Variants in MAMDC4 observed in about 807,000 individuals in gnomAD.
MAMDC4 encodes the protein apical endosomal glycoprotein.
A neutral mutation model predicts 153.3 loss-of-function variants in MAMDC4; 168 were observed. That is an observed-to-expected ratio of 1.10 (90% CI 0.97 to 1.25). The LOEUF is 1.25. Ranked by LOEUF, MAMDC4 falls within the 50% of genes most tolerant of loss-of-function variation. The probability of loss-of-function intolerance (pLI) is 0.00; values close to 1 mark genes in which losing one functional copy is unlikely to be tolerated. For synonymous variants in MAMDC4, 744 were observed against 651.5 expected (o/e 1.14, Z -2.16); for missense variants, 1,701 against 1,542.8 (o/e 1.10, Z -1.72).
rs1444828057 is a variant in MAMDC4, at chr9:136,856,814, A to G, written c.1825A>G (p.Thr609Ala). 3 of 1,612,030 alleles carry G rather than the reference A, an allele frequency of 1.9e-6. No homozygotes were observed. The Admixed American group carries it at 5.0e-5, about 27-fold the overall frequency. Residue 609 changes from threonine (T) to alanine (A), a missense_variant, in exon 15 of 27, where the codon ACC (threonine) becomes GCC (alanine). Thr to Ala is a moderately conservative substitution (Grantham distance 58). Transcript: ENST00000317446. The stretch of plus-strand genomic sequence containing the variant: ...GAGCCGCGGCCCTGACCACGACCAC[A>G]CCACAGGCCAAGGTAGGATGGGCGC... ...VESRGPDHDH[T>A]TGQGHFVLLD... is the part of the protein sequence containing the mutation.
intron 4 of MAMDC4, 51 bp downstream of exon 4, chr9:136,853,721 G>T: frequency 1.2e-6 from 2 of 1,602,636 alleles, no homozygotes; most frequent in Non-Finnish European, 8.5e-7. Flanking sequence ...GGGAGGGCGG[G>T]TGGGCAGCTG....
At chr9:136,855,678 G>A in intron 12 of MAMDC4, 54 bp from the exon 13 acceptor site, 1 of 1,568,210 alleles carries the variant, frequency 6.4e-7, no homozygotes, top group Non-Finnish European at 8.6e-7. Context: ...GTAGGCGCCG[G>A]GGCAGGCTGA....
Position 136,855,469 on chromosome 9 carries a change from G to A in MAMDC4, c.1321G>A (p.Ala441Thr), listed in dbSNP as rs1269110810. 6.2e-7 allele frequency: 1 copy of A among 1,607,354 alleles called. No individual in the cohort carries two copies. The highest frequency in any genetic ancestry group is 8.5e-7 in the Non-Finnish European group (1 of 1,177,634). ...TLQPLPPGPR[A>T]PAPQPLPPSS... The stretch of plus-strand genomic sequence containing the variant: ...GCAGCCGCTGCCTCCTGGGCCCCGG[G>A]CCCCAGCCCCCCAGCCCCTGCCGCC... The change falls in exon 12 of 27, where the codon GCC becomes ACC. Residue 441 changes from alanine (A) to threonine (T), a missense_variant. Transcript: ENST00000317446.
chr9:136,857,531 C>T lies in MAMDC4; in HGVS notation c.2271C>T (p.Ala757=), dbSNP rs773566277. 4 of 1,611,378 alleles carry T rather than the reference C, an allele frequency of 2.5e-6. No homozygotes were observed. Among genetic ancestry groups the T allele is most frequent in the Non-Finnish European group, 2.5e-6 (3 of 1,179,958 alleles). ...GTCTCTGGAGGCGGCAGGCCAATGCCTCGGGCCATGCTGCCTGGGGCCCCC... is the reference window on the plus strand; with the variant it reads ...GTCTCTGGAGGCGGCAGGCCAATGCTTCGGGCCATGCTGCCTGGGGCCCCC... ...GQGLWRRQAN[A]SGHAAWGPPT... The change falls in exon 18 of 27, where the codon GCC becomes GCT. Residue 757 remains alanine, a synonymous_variant. Coordinates refer to ENST00000317446, the MANE Select transcript of MAMDC4 (RefSeq NM_206920.3).
intron 26 of MAMDC4, 147 bp downstream of exon 26, chr9:136,860,211 C>T (rs1042035131): frequency 2.0e-6 from 2 of 981,496 alleles, no homozygotes; most frequent in Non-Finnish European, 2.9e-6. Flanking sequence ...CCTCTCCCAG[C>T]CACCACTGTC....
chr9:136,860,184 T>A, intron 26 of MAMDC4, 120 bp downstream of exon 26: 1 of 1,179,468 alleles, frequency 8.5e-7, no homozygotes, highest in African/African-American at 1.5e-5. Flanking sequence ...AGGCCCATCC[T>A]TGCCCTCCCT....
At chr9:136,857,086 G>A (rs1348954417) in intron 16 of MAMDC4, 45 bp downstream of exon 16, 13 of 1,602,908 alleles carry the variant, frequency 8.1e-6, no homozygotes, top group African/African-American at 1.3e-5. Flanking sequence ...GGAGGCCCCC[G>A]GGGGTTCAGA....
chr9:136,856,910 A>C lies in MAMDC4; in HGVS notation c.1841A>C (p.His614Pro). The C allele has an allele frequency of 6.2e-7, 1 of 1,609,138 alleles. No homozygotes were observed. Among genetic ancestry groups the C allele is most frequent in the Non-Finnish European group, 8.5e-7 (1 of 1,177,212 alleles). The change falls in exon 16 of 27, where the codon CAC (histidine) becomes CCC (proline). Residue 614 changes from histidine (H) to proline (P), a missense_variant. Transcript: ENST00000317446. The part of the protein sequence containing the change: ...PDHDHTTGQG[H>P]FVLLDPTDPL... ...CACAGCCCCATGCCCCCTGCAGGCC[A>C]CTTTGTGCTCCTGGACCCCACAGAC... is the stretch of plus-strand genomic sequence containing the variant.
chr9:136,853,477 T>A lies in MAMDC4; in HGVS notation c.328+19T>A. ...GACTTGGGTGAGGCCAGGGCAAGTCTCTGTGCGCCCCTGTCCCAATACCCT... is the reference window on the plus strand; with the variant it reads ...GACTTGGGTGAGGCCAGGGCAAGTCACTGTGCGCCCCTGTCCCAATACCCT... On this transcript the variant is annotated intron_variant, in intron 3 of 26. Coordinates refer to ENST00000317446, the MANE Select transcript of MAMDC4 (RefSeq NM_206920.3). 6.2e-7 allele frequency: 1 copy of A among 1,607,924 alleles called. No homozygotes were observed. The highest frequency in any genetic ancestry group is 2.2e-5 in the East Asian group (1 of 44,742).
rs762291677 is a variant in MAMDC4 at position 136,855,470 on chromosome 9, C to A, written c.1322C>A (p.Ala441Asp). Residue 441 changes from alanine to aspartate, a missense_variant, in exon 12 of 27, where the codon GCC becomes GAC. Transcript: ENST00000317446. ...TLQPLPPGPR[A>D]PAPQPLPPSS... Reference sequence around the variant, plus strand: ...CAGCCGCTGCCTCCTGGGCCCCGGGCCCCAGCCCCCCAGCCCCTGCCGCCC... The same window carrying A: ...CAGCCGCTGCCTCCTGGGCCCCGGGACCCAGCCCCCCAGCCCCTGCCGCCC... The A allele has an allele frequency of 2.5e-6, 4 of 1,603,342 alleles. No individual in the cohort carries two copies. Among genetic ancestry groups the A allele is most frequent in the Middle Eastern group, 1.7e-4 (1 of 6,036 alleles).
intron 1 of MAMDC4, 78 bp from the exon 2 acceptor site, chr9:136,853,024 A>G (rs919467348): frequency 4.7e-6 from 6 of 1,263,754 alleles, no homozygotes; most frequent in South Asian, 2.6e-5. Context: ...GTCCAGTGCT[A>G]AAACTGAATA....
In MAMDC4 at chr9:136,858,482, CG is replaced by C; in HGVS notation, c.2762del (p.Gly921GlufsTer70). 6.2e-7 allele frequency: 1 copy of C among 1,608,448 alleles called. No homozygotes were observed. ...TGGGCGGATACAGCTGGGACTGGGG[CG>C]GGGGAGCCACCCCCTCTCGTTACCC... ...GLGGYSWDWG[G>X]GATPSRYPQP... is the part of the protein sequence containing the mutation. On this transcript the variant is annotated frameshift_variant, in exon 22 of 27. Transcript: ENST00000317446. LOFTEE classifies it high-confidence loss of function.
At position 136,855,519 on chromosome 9, in the gene MAMDC4, C is replaced by G. The variant is rs776265247; in HGVS notation, c.1371C>G (p.Cys457Trp). 6.3e-7 allele frequency: 1 copy of G among 1,593,276 alleles called. No individual in the cohort carries two copies. The highest frequency in any genetic ancestry group is 8.5e-7 in the Non-Finnish European group (1 of 1,170,198). Residue 457 changes from cysteine (C) to tryptophan (W), a missense_variant, in exon 12 of 27, where the codon TGC becomes TGG. Transcript: ENST00000317446. The stretch of plus-strand genomic sequence containing the variant: ...CCAGCTCGCGGCTCCAGGATTCCTG[C>G]AAGCAGGGGCATCTTGCCTGCGGGG... The part of the protein sequence containing the change: ...LPPSSRLQDS[C>W]KQGHLACGDL...
Position 136,855,515 on chromosome 9 carries a change from C to G in MAMDC4, c.1367C>G (p.Ser456Cys). 3 of 1,594,600 alleles carry G rather than the reference C, an allele frequency of 1.9e-6. No homozygotes were observed. The highest frequency in any genetic ancestry group is 2.6e-6 in the Non-Finnish European group (3 of 1,170,924). ...CCGCCCAGCTCGCGGCTCCAGGATT[C>G]CTGCAAGCAGGGGCATCTTGCCTGC... ...PLPPSSRLQDSCKQGHLACGD... is the reference protein window; with the variant it reads ...PLPPSSRLQDCCKQGHLACGD... Residue 456 changes from serine to cysteine, a missense_variant, in exon 12 of 27, where the codon TCC (serine) becomes TGC (cysteine). Coordinates refer to ENST00000317446, the MANE Select transcript of MAMDC4 (RefSeq NM_206920.3).
rs1849063668 is a variant in MAMDC4, at chr9:136,860,034, C to A, written c.3342C>A (p.Ala1114=). The change falls in exon 26 of 27, where the codon GCC becomes GCA. Residue 1114 remains alanine, a synonymous_variant. Transcript: ENST00000317446. ...TCCAGAGCAACACAGAGGCCACAGC[C>A]CCTGGCTTTGACAACATCCTTTTCA... ...CPFQSNTEAT[A]PGFDNILFNA... is the part of the protein sequence containing the mutation. 2.5e-6 allele frequency: 4 copies of A among 1,602,236 alleles called. No homozygotes were observed. Among genetic ancestry groups the A allele is most frequent in the Non-Finnish European group, 3.4e-6 (4 of 1,174,880 alleles).
chr9:136,858,433 G>A lies in MAMDC4; in HGVS notation c.2708G>A (p.Trp903Ter). 6.2e-7 allele frequency: 1 copy of A among 1,605,544 alleles called. No homozygotes were observed. Among genetic ancestry groups the A allele is most frequent in the Non-Finnish European group, 8.5e-7 (1 of 1,179,778 alleles). ...GATTTTGAGTCTGGCCTGTGTGGCT[G>A]GAGCCACCTGGCCTGGCCCGGCCTG... ...SCDFESGLCG[W>*]SHLAWPGLGG... The change falls in exon 22 of 27, where the codon TGG becomes TAG. Residue 903 changes from tryptophan (W) to a stop codon, truncating the protein, a stop_gained. Transcript: ENST00000317446. LOFTEE classifies it high-confidence loss of function.
intron 22 of MAMDC4, 62 bp from the exon 23 acceptor site, chr9:136,858,657 T>C: frequency 1.2e-6 from 2 of 1,601,302 alleles, no homozygotes; most frequent in Non-Finnish European, 1.7e-6. Flanking sequence ...ACCGAGCCTC[T>C]GCTCGGGCCC....
chr9:136,857,791 G>A lies in MAMDC4; in HGVS notation c.2459G>A (p.Ser820Asn), dbSNP rs1156287239. ...LTFWYHGSLR[S>N]PGTLRVYLEE... ...TTCTGGTACCACGGGAGCCTCCGCA[G>A]CCCAGGTGAGGGGCTTTGGGAGGGG... Residue 820 changes from serine (S) to asparagine (N), a missense_variant, in exon 19 of 27, where the codon AGC (serine) becomes AAC (asparagine). Ser to Asn is a conservative substitution (Grantham distance 46). Coordinates refer to ENST00000317446, the MANE Select transcript of MAMDC4 (RefSeq NM_206920.3). 3.7e-6 allele frequency: 6 copies of A among 1,612,082 alleles called. No individual in the cohort carries two copies. The highest frequency in any genetic ancestry group is 1.3e-5 in the African/African-American group (1 of 75,054).
In MAMDC4 at chr9:136,855,759, C is replaced by T. The variant is rs1248674989; in HGVS notation, c.1499C>T (p.Ala500Val). Residue 500 changes from alanine to valine, a missense_variant, in exon 13 of 27, where the codon GCT becomes GTT. Ala to Val is a moderately conservative substitution (Grantham distance 64, BLOSUM62 0). Transcript: ENST00000317446. The part of the protein sequence containing the change: ...CGTTDFESPE[A>V]GGWEDASVGR... Reference sequence around the variant, plus strand: ...ACCACAGACTTTGAGTCCCCCGAGGCTGGGGGCTGGGAGGACGCCAGCGTG... The same window carrying T: ...ACCACAGACTTTGAGTCCCCCGAGGTTGGGGGCTGGGAGGACGCCAGCGTG... The T allele has an allele frequency of 1.3e-6, 2 of 1,569,776 alleles. No homozygotes were observed. The highest frequency in any genetic ancestry group is 2.3e-5 in the South Asian group (2 of 85,430).
Sources: gnomAD v4.1 joint callset for allele counts on GRCh38, gnomAD v4.1.1 for gene constraint, MANE v1.5 for transcripts, NCBI Gene and HGNC (gene_info 2026-07-23, HGNC 2026-07-21) for gene names.